GALNTL6: variants seen among roughly 807,000 people sequenced by gnomAD.
GALNTL6 encodes polypeptide N-acetylgalactosaminyltransferase like 6.
In GALNTL6, 46 loss-of-function variants were observed where a neutral mutation model predicts 73.7. That is an observed-to-expected ratio of 0.62 (90% confidence interval 0.49 to 0.80). The LOEUF (loss-of-function observed/expected upper bound fraction) is 0.80. Ranked by LOEUF, GALNTL6 falls within the 30% of genes least tolerant of loss-of-function variation. GALNTL6 has a pLI of 0.00. For missense variants in GALNTL6, 604 were observed against 755.0 expected, an observed-to-expected ratio of 0.80 and a Z score of 2.34; for synonymous variants, 259 against 263.7, an observed-to-expected ratio of 0.98 and a Z score of 0.17.
chr4:172,370,609 C>T (rs540600560), intron 5 of GALNTL6, among the ~76,000 whole-genome samples: 39 of 120,814 alleles, frequency 3.2e-4, no homozygotes, highest in South Asian at 3.0e-3. Context: ...CCAGCGTGGG[C>T]GACAGAGTGA....
intron 5 of GALNTL6, among the ~76,000 whole-genome samples, chr4:172,731,330 G>T (rs1286003433): frequency 6.6e-6 from 1 of 151,942 alleles, no homozygotes; most frequent in Non-Finnish European, 1.5e-5. Context: ...TTTTTTCATT[G>T]TGTTGGCATG....
intron 7 of GALNTL6, among the ~76,000 whole-genome samples, chr4:172,851,421 C>T (rs1157673925): frequency 6.6e-6 from 1 of 151,586 alleles, no homozygotes; most frequent in Non-Finnish European, 1.5e-5. Flanking sequence ...TATATATACA[C>T]ACACACACAT....
chr4:172,398,197 A>G (rs964048230), intron 5 of GALNTL6, among the ~76,000 whole-genome samples: 5 of 152,332 alleles, frequency 3.3e-5, no homozygotes, highest in Non-Finnish European at 5.9e-5. Context: ...AAACAATTAC[A>G]TATTCTTAAA....
intron 2 of GALNTL6, among the ~76,000 whole-genome samples, chr4:172,159,807 C>T (rs1270591384): frequency 1.3e-5 from 2 of 152,024 alleles, no homozygotes; most frequent in African/African-American, 2.4e-5. Flanking sequence ...ATAAAATCTC[C>T]CTAGCTTTTG....
intron 2 of GALNTL6, among the ~76,000 whole-genome samples, chr4:171,989,983 G>A (rs1018737164): frequency 6.6e-6 from 1 of 152,094 alleles, no homozygotes; most frequent in Non-Finnish European, 1.5e-5. Context: ...CTGGGCAGGT[G>A]GGGGAGGGCT....
chr4:171,841,946 G>C (rs78426664), intron 2 of GALNTL6, among the ~76,000 whole-genome samples: 1,663 of 151,836 alleles, frequency 0.011, 25 homozygotes, highest in African/African-American at 0.038. Context: ...CTAAAATAAG[G>C]CATGAAAATA....
At chr4:172,767,968 G>A (rs1467361247) in intron 5 of GALNTL6, among the ~76,000 whole-genome samples, 5 of 151,988 alleles carry the variant, frequency 3.3e-5, no homozygotes, top group South Asian at 2.1e-4. Flanking sequence ...GCGCCTGGCC[G>A]AGAACTCATT....
At chr4:172,154,902 A>C (rs1335289672) in intron 2 of GALNTL6, among the ~76,000 whole-genome samples, 1 of 152,208 alleles carries the variant, frequency 6.6e-6, no homozygotes, top group African/African-American at 2.4e-5. Context: ...GTGCCCCTAA[A>C]ATTAATATGT....
intron 2 of GALNTL6, among the ~76,000 whole-genome samples, chr4:172,182,859 A>T (rs1191281572): frequency 6.6e-6 from 1 of 152,196 alleles, no homozygotes; most frequent in Non-Finnish European, 1.5e-5. Flanking sequence ...AAGCAATCAT[A>T]TCATTAGGCC....
chr4:172,284,534 A>G (rs911966969), intron 3 of GALNTL6, among the ~76,000 whole-genome samples: 1 of 150,718 alleles, frequency 6.6e-6, no homozygotes, highest in African/African-American at 2.4e-5. Flanking sequence ...TTGTGCTCTT[A>G]TGGTCTTAGT....
At chr4:172,144,024 A>C (rs1427280729) in intron 2 of GALNTL6, among the ~76,000 whole-genome samples, 1 of 152,132 alleles carries the variant, frequency 6.6e-6, no homozygotes, top group Non-Finnish European at 1.5e-5. Context: ...GCAACTCTGC[A>C]CTATTAGTTT....
At chr4:172,568,565 G>C (rs1296822622) in intron 5 of GALNTL6, among the ~76,000 whole-genome samples, 1 of 151,650 alleles carries the variant, frequency 6.6e-6, no homozygotes, top group Non-Finnish European at 1.5e-5. Context: ...GACCATCCTG[G>C]CTAACACGGT....
At chr4:172,673,771 T>C (rs1732125548) in intron 5 of GALNTL6, among the ~76,000 whole-genome samples, 1 of 152,238 alleles carries the variant, frequency 6.6e-6, no homozygotes, top group Admixed American at 6.5e-5. Flanking sequence ...AAGTCTGTTT[T>C]GTCAGAAACT....
chr4:173,039,911 C>A (rs1228364103), intron 12 of GALNTL6, 22 bp from the exon 13 acceptor site: 8 of 1,593,104 alleles, frequency 5.0e-6, no homozygotes, highest in Admixed American at 3.6e-5. Context: ...ACAGTCTTTT[C>A]TTTTCTTCCT....
intron 5 of GALNTL6, among the ~76,000 whole-genome samples, chr4:172,356,468 G>C (rs1161184141): frequency 6.6e-6 from 1 of 151,994 alleles, no homozygotes; most frequent in Non-Finnish European, 1.5e-5. Context: ...ATGGAAAAAA[G>C]AAAACTTCAC....
intron 2 of GALNTL6, among the ~76,000 whole-genome samples, chr4:172,206,708 G>A (rs1265773411): frequency 6.6e-6 from 1 of 151,404 alleles, no homozygotes; most frequent in East Asian, 1.9e-4. Context: ...GGAGAGAACA[G>A]ATGCAAAGTC....
At chr4:172,102,030 A>G (rs1479546820) in intron 2 of GALNTL6, among the ~76,000 whole-genome samples, 1 of 152,150 alleles carries the variant, frequency 6.6e-6, no homozygotes, top group African/African-American at 2.4e-5. Context: ...AATTAAAAGG[A>G]ATATATCTGT....
intron 7 of GALNTL6, among the ~76,000 whole-genome samples, chr4:172,822,890 G>A (rs936264083): frequency 1.3e-5 from 2 of 152,094 alleles, no homozygotes; most frequent in Admixed American, 6.5e-5. Flanking sequence ...GTAATTTGCT[G>A]TGTCCCTTCC....
chr4:172,742,948 A>G (rs1736888215), intron 5 of GALNTL6, among the ~76,000 whole-genome samples: 1 of 152,052 alleles, frequency 6.6e-6, no homozygotes, highest in Non-Finnish European at 1.5e-5. Context: ...GATAGCTGTT[A>G]TGCATGCCAA....
Sources: allele counts gnomAD v4.1 joint callset (sites outside exome capture counted in the v4.1 genomes callset), GRCh38; gene constraint gnomAD v4.1.1; transcripts MANE v1.5; gene names NCBI Gene and HGNC (gene_info 2026-07-23, HGNC 2026-07-21).